Variants in PPP3CC observed in about 807,000 individuals in gnomAD.
PPP3CC encodes protein phosphatase 3 catalytic subunit gamma, also known as serine/threonine-protein phosphatase 2B catalytic subunit gamma isoform.
PPP3CC carries 35 observed loss-of-function variants against 60.3 expected under a neutral mutation model. The observed-to-expected ratio is 0.58, with a 90% CI of 0.44 to 0.77. The LOEUF is 0.77. Among genes scored for constraint, PPP3CC ranks in the 30% least tolerant of loss-of-function variants. PPP3CC has a pLI of 0.00. For synonymous variants in PPP3CC, 206 were observed against 224.3 expected (o/e 0.92, Z 0.73); for missense variants, 570 against 628.9 (o/e 0.91, Z 1.00).
At chr8:22,530,782 A>T (rs1839688194) in intron 10 of PPP3CC, among the ~76,000 whole-genome samples, 1 of 142,110 alleles carries the variant, frequency 7.0e-6, no homozygotes, top group Admixed American at 7.4e-5. Flanking sequence ...CAGTGAGCCA[A>T]GATCGCACTA....
intron 1 of PPP3CC, among the ~76,000 whole-genome samples, chr8:22,456,829 G>A (rs554983451): frequency 6.6e-6 from 1 of 152,120 alleles, no homozygotes; most frequent in Admixed American, 6.5e-5. Flanking sequence ...TTTGATTAAG[G>A]TTTTTGCTTC....
intron 1 of PPP3CC, among the ~76,000 whole-genome samples, chr8:22,471,842 CT>C (rs1196569889): frequency 6.6e-6 from 1 of 152,038 alleles, no homozygotes; most frequent in Non-Finnish European, 1.5e-5. Context: ...ACAAATTTTT[CT>C]TGGCTGGGCA....
At chr8:22,511,864 A>G (rs990889833) in intron 5 of PPP3CC, among the ~76,000 whole-genome samples, 4 of 152,184 alleles carry the variant, frequency 2.6e-5, no homozygotes, top group Non-Finnish European at 4.4e-5. Flanking sequence ...TGTAACCTTA[A>G]CCAAGTTATT....
chr8:22,453,737 A>T (rs780506212), intron 1 of PPP3CC, among the ~76,000 whole-genome samples: 1 of 152,230 alleles, frequency 6.6e-6, no homozygotes, highest in Non-Finnish European at 1.5e-5. Flanking sequence ...CTCCTAATCT[A>T]CAAACCTGTG....
At chr8:22,475,448 C>G in intron 2 of PPP3CC, 52 bp from the exon 3 acceptor site, 1 of 1,551,646 alleles carries the variant, frequency 6.4e-7, no homozygotes, top group Non-Finnish European at 8.7e-7. Context: ...GTGTAATGCC[C>G]TTCGTCTTCT....
chr8:22,447,219 G>A lies in PPP3CC; in HGVS notation c.49+5761G>A, dbSNP rs547826695. On this transcript the variant is annotated intron_variant, in intron 1 of 13. Coordinates refer to ENST00000240139, the MANE Select transcript of PPP3CC (RefSeq NM_005605.5). ...TTTTGTGACAGAGTCTCGCTCTGTC[G>A]TCCAGGCTGGAGTGCAGTGGCGCAA... 8.4e-3 allele frequency among the ~76,000 whole-genome samples: 1,102 copies of A among 131,096 alleles called. 20 individuals carry two copies. The highest frequency in any genetic ancestry group is 0.03 in the African/African-American group (1,041 of 34,988). 86.0% of individuals were successfully genotyped at this position (131,096 alleles called of 152,430 possible).
chr8:22,475,168 CATG>C lies in PPP3CC; in HGVS notation c.247+20_247+22del, dbSNP rs779165958. On this transcript the variant is annotated intron_variant, in intron 2 of 13. Coordinates refer to ENST00000240139, the MANE Select transcript of PPP3CC (RefSeq NM_005605.5). The stretch of plus-strand genomic sequence containing the variant: ...CAATCACAGGTATAAAAAGTCTTTG[CATG>C]ATACTTTTTTACAGTATAGATTTGC... The C allele has an allele frequency of 6.3e-7, 1 of 1,591,688 alleles. No homozygotes were observed. Among genetic ancestry groups the C allele is most frequent in the Non-Finnish European group, 8.6e-7 (1 of 1,163,120 alleles).
intron 1 of PPP3CC, among the ~76,000 whole-genome samples, chr8:22,464,197 A>T (rs531588560): frequency 6.6e-6 from 1 of 152,258 alleles, no homozygotes; most frequent in South Asian, 2.1e-4. Context: ...AATAAAGCAA[A>T]GAGTTCTCAC....
intron 1 of PPP3CC, among the ~76,000 whole-genome samples, chr8:22,450,864 C>CCG (rs1217258104): frequency 2.7e-5 from 4 of 150,436 alleles, no homozygotes; most frequent in Non-Finnish European, 4.4e-5. Context: ...GAGACGGAGT[C>CCG]TCGCTCTGTC....
intron 3 of PPP3CC, among the ~76,000 whole-genome samples, chr8:22,496,699 A>G (rs1346065097): frequency 1.3e-5 from 2 of 150,616 alleles, no homozygotes; most frequent in Admixed American, 1.3e-4. Context: ...GTTTCACCAT[A>G]TTGGCCAGGC....
intron 3 of PPP3CC, among the ~76,000 whole-genome samples, chr8:22,494,572 G>A (rs554474503): frequency 1.4e-4 from 21 of 152,212 alleles, no homozygotes; most frequent in East Asian, 1.2e-3. Flanking sequence ...TCATTCATGC[G>A]TTCTGTATTT....
In PPP3CC at chr8:22,476,469, G is replaced by T. The variant is rs556900048; in HGVS notation, c.372+845G>T. 7.9e-5 allele frequency among the ~76,000 whole-genome samples: 12 copies of T among 152,296 alleles called. No homozygotes were observed. In the South Asian group the frequency reaches 2.3e-3, roughly 29 times the overall value. On this transcript the variant is annotated intron_variant, in intron 3 of 13. Transcript: ENST00000240139. ...ATCTCACTGTACTAAGTGTGTTTCT[G>T]GTGGTTAAAGGTTTATTGTCTTGCA...
intron 1 of PPP3CC, among the ~76,000 whole-genome samples, chr8:22,447,428 C>G (rs192453814): frequency 6.6e-6 from 1 of 151,836 alleles, no homozygotes. Flanking sequence ...GTGATCCGCC[C>G]GTCTCGGCCT....
intron 1 of PPP3CC, among the ~76,000 whole-genome samples, chr8:22,453,120 G>A (rs1837085685): frequency 2.6e-5 from 4 of 152,176 alleles, no homozygotes; most frequent in Admixed American, 2.0e-4. Context: ...CCTTGCCACA[G>A]GTGTAAAATG....
intron 4 of PPP3CC, among the ~76,000 whole-genome samples, chr8:22,510,278 A>G (rs929629830): frequency 1.3e-5 from 2 of 149,530 alleles, no homozygotes; most frequent in East Asian, 2.1e-4. Flanking sequence ...CTTCCAAAAC[A>G]TTGGGATTAC....
At chr8:22,460,500 T>A (rs1381997365) in intron 1 of PPP3CC, among the ~76,000 whole-genome samples, 1 of 151,866 alleles carries the variant, frequency 6.6e-6, no homozygotes, top group Non-Finnish European at 1.5e-5. Context: ...GCCAAAACTT[T>A]CGAAACTTTA....
intron 4 of PPP3CC, among the ~76,000 whole-genome samples, chr8:22,499,873 C>T: frequency 6.6e-6 from 1 of 152,164 alleles, no homozygotes; most frequent in East Asian, 1.9e-4. Flanking sequence ...TAGTGTTTAT[C>T]AACACCTGAG....
rs148429578 is a variant in PPP3CC at position 22,472,122 on chromosome 8, C to G, written c.50-2832C>G. On this transcript the variant is annotated intron_variant, in intron 1 of 13. Transcript: ENST00000240139. Reference sequence around the variant, plus strand: ...CCCATCTGGGCAATAAAGCGAGATCCTATCTCAAAAACAAATTTTTTTTCT... The same window carrying G: ...CCCATCTGGGCAATAAAGCGAGATCGTATCTCAAAAACAAATTTTTTTTCT... Among the ~76,000 whole-genome samples the G allele has an allele frequency of 1.2e-4, 18 of 152,052 alleles. No homozygotes were observed. The East Asian group carries it at 3.5e-3, about 29-fold the overall frequency.
chr8:22,509,185 C>G (rs779550070), intron 4 of PPP3CC, among the ~76,000 whole-genome samples: 6 of 152,174 alleles, frequency 3.9e-5, no homozygotes, highest in Non-Finnish European at 7.3e-5. Flanking sequence ...ATTCCTGCCA[C>G]CCATATAGTA....
Sources: allele counts gnomAD v4.1 joint callset (sites outside exome capture counted in the v4.1 genomes callset), GRCh38; gene constraint gnomAD v4.1.1; transcripts MANE v1.5; gene names NCBI Gene and HGNC (gene_info 2026-07-23, HGNC 2026-07-21).